The following CHD6 variants were observed in gnomAD, a reference collection of about 807,000 sequenced individuals.
The protein encoded by CHD6 is chromodomain helicase DNA binding protein 6.
Under a neutral mutation model 276.9 loss-of-function variants are expected in CHD6, and 50 were observed. The ratio of observed to expected loss-of-function variants is 0.18; its 90% CI spans 0.14 to 0.23. CHD6 has a LOEUF of 0.23. Ranked by LOEUF, CHD6 falls within the 10% of genes least tolerant of loss-of-function variation. The pLI is 1.00. For missense variants in CHD6, 2,564 were observed against 3,365.8 expected, an observed-to-expected ratio of 0.76 and a Z score of 5.89; for synonymous variants, 1,173 against 1,229.3, an observed-to-expected ratio of 0.95 and a Z score of 0.96.
chr20:41,487,893 G>A lies in CHD6; in HGVS notation c.1858-85C>T, dbSNP rs368165398. On this transcript the variant is annotated intron_variant, in intron 13 of 36. Transcript: ENST00000373233. ...GTGGGGAAAATTAAGCCAGGGCATTGAGTGCTCAATTTGGGGCAATTCTGA... is the reference window on the plus strand; with the variant it reads ...GTGGGGAAAATTAAGCCAGGGCATTAAGTGCTCAATTTGGGGCAATTCTGA... 51 of 1,426,934 alleles carry A rather than the reference G, an allele frequency of 3.6e-5. 1 individual carries two copies. The highest frequency in any genetic ancestry group is 3.1e-4 in the East Asian group (13 of 42,244). The allele number at this position is 1,426,934 out of a possible 1,614,324, so 88.4% of individuals were successfully genotyped here. A position where few individuals can be genotyped will look rare whatever the true frequency, so the allele number is the denominator to read the frequency against.
At chr20:41,492,641 C>G (rs534382458) in intron 10 of CHD6, among the ~76,000 whole-genome samples, 2 of 152,334 alleles carry the variant, frequency 1.3e-5, no homozygotes, top group Admixed American at 6.5e-5. Context: ...AAGCTCTGGG[C>G]TGGGTGTGGT....
chr20:41,555,909 G>C (rs1377805119), intron 1 of CHD6, among the ~76,000 whole-genome samples: 1 of 152,212 alleles, frequency 6.6e-6, no homozygotes, highest in African/African-American at 2.4e-5. Context: ...GCGGCTGGGT[G>C]GTGGAGGTTG....
At chr20:41,501,859 ATGT>A (rs1269234333) in intron 5 of CHD6, among the ~76,000 whole-genome samples, 1 of 151,694 alleles carries the variant, frequency 6.6e-6, no homozygotes, top group African/African-American at 2.4e-5. Flanking sequence ...TGGATGTGTA[ATGT>A]TGTCTCTTTA....
At chr20:41,425,601 T>C (rs1413803530) in intron 28 of CHD6, among the ~76,000 whole-genome samples, 1 of 152,230 alleles carries the variant, frequency 6.6e-6, no homozygotes, top group Non-Finnish European at 1.5e-5. Flanking sequence ...CAATTAATTC[T>C]GTTATCTCTC....
intron 9 of CHD6, 57 bp downstream of exon 9, chr20:41,493,801 A>C (rs1309569024): frequency 6.4e-7 from 1 of 1,572,070 alleles, no homozygotes; most frequent in African/African-American, 1.3e-5. Flanking sequence ...TCACATGTTA[A>C]AACAAGTGAA....
In CHD6 at chr20:41,425,366, C is replaced by T. The variant is rs142758399; in HGVS notation, c.4158G>A (p.Ser1386=). 10 of 1,613,886 alleles carry T rather than the reference C, an allele frequency of 6.2e-6. No homozygotes were observed. Among genetic ancestry groups the T allele is most frequent in the African/African-American group, 5.3e-5 (4 of 74,888 alleles). The change falls in exon 29 of 37, where the codon TCG becomes TCA. Residue 1386 remains serine (S), a synonymous_variant. Transcript: ENST00000373233. Reference sequence around the variant, plus strand: ...TGAGGGCGGAGGAAACTGGCCAGGGCGATTTGTCTGGGTCGGAGCCATCCT... The same window carrying T: ...TGAGGGCGGAGGAAACTGGCCAGGGTGATTTGTCTGGGTCGGAGCCATCCT... ...AAQDGSDPDK[S]PWPVSSALTA...
At chr20:41,505,768 C>T (rs957298766) in intron 5 of CHD6, among the ~76,000 whole-genome samples, 5 of 152,116 alleles carry the variant, frequency 3.3e-5, no homozygotes, top group Non-Finnish European at 7.3e-5. Context: ...GTTTTAAATA[C>T]AGGCATCATC....
chr20:41,497,662 C>A (rs2043720744), intron 7 of CHD6, 161 bp from the exon 8 acceptor site: 2 of 636,878 alleles, frequency 3.1e-6, no homozygotes. Context: ...CCCTTAAGGG[C>A]AACAACAGAA....
At chr20:41,608,009 G>A (rs796988744) in intron 1 of CHD6, among the ~76,000 whole-genome samples, 7 of 152,222 alleles carry the variant, frequency 4.6e-5, no homozygotes, top group African/African-American at 1.7e-4. Context: ...CCAGAATACT[G>A]GAGTCCTAAT....
chr20:41,589,103 C>T (rs1334800656), intron 1 of CHD6, among the ~76,000 whole-genome samples: 1 of 152,090 alleles, frequency 6.6e-6, no homozygotes, highest in Non-Finnish European at 1.5e-5. Flanking sequence ...ATAAACAGAA[C>T]CAAAGACAAA....
chr20:41,413,361 T>C lies in CHD6; in HGVS notation c.7094A>G (p.Gln2365Arg). The C allele has an allele frequency of 1.9e-6, 3 of 1,611,390 alleles. 1 individual carries two copies. The South Asian group carries it at 3.3e-5, about 18-fold the overall frequency. ...AGGAACTTCTAAGGAGTAGTCAGCC[T>C]GCTGCCTTAGCCAGTCAAGCAGACT... The part of the protein sequence containing the change: ...SKSLLDWLRQ[Q>R]ADYSLEVPGF... The change falls in exon 35 of 37, where the codon CAG (glutamine) becomes CGG (arginine). Residue 2365 changes from glutamine (Q) to arginine (R), a missense_variant. By Grantham distance (43) the Gln-to-Arg change is conservative. This residue lies in a region of CHD6 where 1,024 missense variants were observed against 1,047.9 expected (regional missense o/e 0.98). Coordinates refer to ENST00000373233, the MANE Select transcript of CHD6 (RefSeq NM_032221.5).
Position 41,473,567 on chromosome 20 carries a change from T to A in CHD6, c.2469-50A>T. ...GCCCAGGCGTTAATCATGACTTCAA[T>A]GGAGAACAGCACAAAATGCAGGAAG... On this transcript the variant is annotated intron_variant, in intron 16 of 36. Coordinates refer to ENST00000373233, the MANE Select transcript of CHD6 (RefSeq NM_032221.5). This position sits in a 1 kb window ranked among gnomAD's most constrained non-coding sequence, Gnocchi z 4.1. 6.8e-7 allele frequency: 1 copy of A among 1,474,946 alleles called. No individual in the cohort carries two copies. Among genetic ancestry groups the A allele is most frequent in the Non-Finnish European group, 9.4e-7 (1 of 1,058,356 alleles). The allele number at this position is 1,474,946 out of a possible 1,614,324, so 91.4% of individuals were successfully genotyped here.
At chr20:41,582,302 C>T (rs576673573) in intron 1 of CHD6, among the ~76,000 whole-genome samples, 4 of 152,046 alleles carry the variant, frequency 2.6e-5, no homozygotes, top group African/African-American at 7.2e-5. Flanking sequence ...GTTTCGGACA[C>T]GGTGAGTAGA....
At chr20:41,418,638 A>C (rs960832991) in intron 31 of CHD6, among the ~76,000 whole-genome samples, 3 of 152,136 alleles carry the variant, frequency 2.0e-5, no homozygotes, top group African/African-American at 7.2e-5. Flanking sequence ...AACCTGGAAA[A>C]AGCCAGGAGA....
intron 1 of CHD6, among the ~76,000 whole-genome samples, chr20:41,557,701 C>T (rs1022563105): frequency 6.6e-6 from 1 of 152,104 alleles, no homozygotes; most frequent in African/African-American, 2.4e-5. Context: ...CTACCAAGGT[C>T]CTTCATATTC....
intron 1 of CHD6, among the ~76,000 whole-genome samples, chr20:41,581,829 G>A (rs944495342): frequency 1.3e-5 from 2 of 152,206 alleles, no homozygotes; most frequent in Non-Finnish European, 2.9e-5. Context: ...CCAGCATTGT[G>A]CTAGTAGTAA....
At chr20:41,408,662 A>G (rs2046754048) in intron 36 of CHD6, among the ~76,000 whole-genome samples, 1 of 152,070 alleles carries the variant, frequency 6.6e-6, no homozygotes, top group South Asian at 2.1e-4. Flanking sequence ...CCTGCAGCCT[A>G]CCCACAACCG....
chr20:41,415,017 A>G (rs1443953254), intron 34 of CHD6, 169 bp downstream of exon 34: 22 of 1,441,468 alleles, frequency 1.5e-5, no homozygotes, highest in Non-Finnish European at 1.9e-5. Flanking sequence ...TGAGTTAGTA[A>G]CTATCTAGTT....
At chr20:41,615,952 C>T (rs2045931418) in intron 1 of CHD6, among the ~76,000 whole-genome samples, 2 of 152,188 alleles carry the variant, frequency 1.3e-5, no homozygotes, top group Admixed American at 1.3e-4. Flanking sequence ...GCCCAAGGGC[C>T]GCCTGTTGTT....
Sources: allele counts gnomAD v4.1 joint callset (sites outside exome capture counted in the v4.1 genomes callset), GRCh38; gene constraint gnomAD v4.1.1; regional missense constraint gnomAD v4.1.1; non-coding constraint Gnocchi (gnomAD v3.1); transcripts MANE v1.5; gene names NCBI Gene and HGNC (gene_info 2026-07-23, HGNC 2026-07-21).